NARS2: variants seen among roughly 807,000 people sequenced by gnomAD.
NARS2 encodes the protein asparaginyl-tRNA synthetase.
A neutral mutation model predicts 62.9 loss-of-function variants in NARS2; 60 were observed. That is an observed-to-expected ratio of 0.95 (90% CI 0.77 to 1.18). NARS2 has a LOEUF of 1.18. NARS2 is among the 50% of genes most tolerant of loss of function. The pLI is 0.00. For missense variants in NARS2, 619 were observed against 576.4 expected, an observed-to-expected ratio of 1.07 and a Z score of -0.76; for synonymous variants, 196 against 200.0, an observed-to-expected ratio of 0.98 and a Z score of 0.17.
At chr11:78,441,055 A>C in intron 13 of NARS2, 36 bp downstream of exon 13, 1 of 1,599,670 alleles carries the variant, frequency 6.3e-7, no homozygotes, top group Non-Finnish European at 8.6e-7. Context: ...TCAGACAAGC[A>C]GCTAGAGTAA....
At chr11:78,482,087 T>C (rs1859378995) in intron 7 of NARS2, among the ~76,000 whole-genome samples, 1 of 152,168 alleles carries the variant, frequency 6.6e-6, no homozygotes, top group Admixed American at 6.6e-5. Flanking sequence ...TGTGTAATTA[T>C]GTAATGAACT....
At position 78,525,290 on chromosome 11, in the gene NARS2, GAAT is replaced by G. The variant is rs779889455; in HGVS notation, c.689+3549_689+3551del. 1.6e-3 allele frequency among the ~76,000 whole-genome samples: 246 copies of G among 152,042 alleles called. 1 individual carries two copies. The highest frequency in any genetic ancestry group is 2.7e-3 in the Non-Finnish European group (182 of 67,924). On this transcript the variant is annotated intron_variant, in intron 6 of 13. Transcript: ENST00000281038. ...CTCGTAAAAGCTATGGACTTTGGAG[GAAT>G]AATAATATGTCAGTGTAACTTTACT...
intron 11 of NARS2, among the ~76,000 whole-genome samples, chr11:78,449,636 CCA>C (rs1212364092): frequency 2.6e-5 from 4 of 152,006 alleles, no homozygotes; most frequent in African/African-American, 4.8e-5. Flanking sequence ...ACAAACAACC[CCA>C]GAAGCTTACA....
At chr11:78,538,733 C>T (rs939067492) in intron 5 of NARS2, among the ~76,000 whole-genome samples, 3 of 151,894 alleles carry the variant, frequency 2.0e-5, no homozygotes, top group Non-Finnish European at 2.9e-5. Context: ...CGGTGGCTCA[C>T]GCCTGTAATC....
At chr11:78,491,956 T>C (rs1018826647) in intron 7 of NARS2, among the ~76,000 whole-genome samples, 1 of 152,082 alleles carries the variant, frequency 6.6e-6, no homozygotes, top group Non-Finnish European at 1.5e-5. Context: ...TGAAAATCAC[T>C]AAAATAAACA....
At position 78,530,445 on chromosome 11, in the gene NARS2, TA is replaced by T. The variant is rs752754537; in HGVS notation, c.595-1510del. On this transcript the variant is annotated intron_variant, in intron 5 of 13. Transcript: ENST00000281038. Reference sequence around the variant, plus strand: ...GTTTCTCTCATTTCTTGTATTTATATAAAAAAAAAGTCTGGTCTTAATAATA... The same window carrying T: ...GTTTCTCTCATTTCTTGTATTTATATAAAAAAAAGTCTGGTCTTAATAATA... Among the ~76,000 whole-genome samples the T allele has an allele frequency of 1.9e-4, 29 of 151,444 alleles. No individual in the cohort carries two copies. The East Asian group carries it at 3.9e-3, about 20-fold the overall frequency.
At chr11:78,517,486 A>G (rs1460998969) in intron 6 of NARS2, among the ~76,000 whole-genome samples, 1 of 152,174 alleles carries the variant, frequency 6.6e-6, no homozygotes, top group Non-Finnish European at 1.5e-5. Flanking sequence ...CCAGGTTTTT[A>G]CTTTAGTATT....
intron 11 of NARS2, among the ~76,000 whole-genome samples, chr11:78,449,625 CACAA>C (rs1159453663): frequency 6.6e-6 from 1 of 152,078 alleles, no homozygotes; most frequent in Non-Finnish European, 1.5e-5. Flanking sequence ...AAGCTATAGT[CACAA>C]ACAACCCCAG....
In NARS2 at chr11:78,465,892, T is replaced by C; in HGVS notation, c.1148A>G (p.Asp383Gly). 6.2e-7 allele frequency: 1 copy of C among 1,614,166 alleles called. No homozygotes were observed. The highest frequency in any genetic ancestry group is 8.5e-7 in the Non-Finnish European group (1 of 1,180,010). Residue 383 changes from aspartate to glycine, a missense_variant, in exon 11 of 14, where the codon GAT (aspartate) becomes GGT (glycine). Physicochemically the swap from Asp to Gly is moderately conservative, Grantham distance 94. Transcript: ENST00000281038. ...TCTTCTTACCGTGTGCTGAGGGCCA[T>C]CTTCATTATCCCTCATGTAGAAAGG... The part of the protein sequence containing the change: ...LKPFYMRDNE[D>G]GPQHTVAAVD...
intron 7 of NARS2, among the ~76,000 whole-genome samples, chr11:78,486,222 G>A (rs1859568878): frequency 6.6e-6 from 1 of 151,780 alleles, no homozygotes; most frequent in African/African-American, 2.4e-5. Context: ...ACCCAATGGT[G>A]GCCACAGTCA....
intron 9 of NARS2, 142 bp from the exon 10 acceptor site, chr11:78,469,455 T>C (rs1858774028): frequency 3.2e-6 from 2 of 624,646 alleles, no homozygotes; most frequent in Admixed American, 2.7e-5. Flanking sequence ...TCTAATCCTA[T>C]GAAAGAATGA....
At chr11:78,473,756 G>A (rs1268091611) in intron 9 of NARS2, among the ~76,000 whole-genome samples, 2 of 152,168 alleles carry the variant, frequency 1.3e-5, no homozygotes, top group Admixed American at 1.3e-4. Flanking sequence ...AATTCTCTAT[G>A]CTGGCTAGCT....
intron 9 of NARS2, among the ~76,000 whole-genome samples, chr11:78,474,316 T>C (rs1399551495): frequency 1.3e-5 from 2 of 152,320 alleles, no homozygotes; most frequent in African/African-American, 2.4e-5. Flanking sequence ...ATTATTCATA[T>C]AAATATTTAA....
chr11:78,520,637 A>C (rs1368345932), intron 6 of NARS2, among the ~76,000 whole-genome samples: 1 of 152,170 alleles, frequency 6.6e-6, no homozygotes, highest in Non-Finnish European at 1.5e-5. Flanking sequence ...CCTTCCATAA[A>C]TCTAAGCTAT....
chr11:78,479,503 C>A (rs941122645), intron 7 of NARS2, among the ~76,000 whole-genome samples: 5 of 152,086 alleles, frequency 3.3e-5, no homozygotes, highest in African/African-American at 1.2e-4. Context: ...GAGTGAGATC[C>A]TGTCTCAAAA....
rs181995063 is a variant in NARS2 at position 78,481,197 on chromosome 11, T to C, written c.823-2514A>G. On this transcript the variant is annotated intron_variant, in intron 7 of 13. Transcript: ENST00000281038. ...AACAGAATGTATAGATTCTAAACTA[T>C]TGGAGGAAAAGAAAGGAAAATAAAG... Among the ~76,000 whole-genome samples, 24 of 151,934 alleles carry C rather than the reference T, an allele frequency of 1.6e-4. 1 individual carries two copies. Among genetic ancestry groups the C allele is most frequent in the East Asian group, 1.2e-3 (6 of 5,164 alleles).
chr11:78,441,186 T>C, intron 12 of NARS2, 69 bp from the exon 13 acceptor site: 1 of 1,418,472 alleles, frequency 7.0e-7, no homozygotes, highest in Non-Finnish European at 9.8e-7. Flanking sequence ...TAGACATTTA[T>C]TCTGGGTGTG....
At chr11:78,471,278 C>T (rs1304419072) in intron 9 of NARS2, among the ~76,000 whole-genome samples, 5 of 152,176 alleles carry the variant, frequency 3.3e-5, no homozygotes. Flanking sequence ...AAATCTTGAT[C>T]TGCTGACTCC....
At chr11:78,572,412 T>A (rs1384613171) in intron 1 of NARS2, among the ~76,000 whole-genome samples, 2 of 152,190 alleles carry the variant, frequency 1.3e-5, no homozygotes, top group Non-Finnish European at 2.9e-5. Context: ...CAGGACATAG[T>A]CACCGATTAG....
Sources: gnomAD v4.1 joint callset for allele counts (sites outside exome capture counted in the v4.1 genomes callset) on GRCh38, gnomAD v4.1.1 for gene constraint, MANE v1.5 for transcripts, NCBI Gene and HGNC (gene_info 2026-07-23, HGNC 2026-07-21) for gene names.